KIF13A: variants seen among roughly 807,000 people sequenced by gnomAD.
The protein encoded by KIF13A is kinesin family member 13A, also known as kinesin-like protein KIF13A.
In KIF13A, 79 loss-of-function variants were observed where a neutral mutation model predicts 212.2. The observed-to-expected ratio is 0.37, with a 90% CI of 0.31 to 0.45. KIF13A has a LOEUF of 0.45. Among genes scored for constraint, KIF13A ranks in the 20% least tolerant of loss-of-function variants. The pLI, the probability that KIF13A is intolerant of heterozygous loss-of-function variation, is 1.00. For missense variants in KIF13A, 1,901 were observed against 2,209.0 expected (o/e 0.86, Z 2.79); for synonymous variants, 789 against 808.6 (o/e 0.98, Z 0.41).
At chr6:17,796,579 T>A in intron 23 of KIF13A, 90 bp downstream of exon 23, 1 of 799,924 alleles carries the variant, frequency 1.3e-6, no homozygotes, top group Non-Finnish European at 1.8e-6. Flanking sequence ...TATTTTTTTA[T>A]AAGCAGCCTC....
intron 3 of KIF13A, among the ~76,000 whole-genome samples, chr6:17,896,304 C>T (rs1014112881): frequency 1.4e-5 from 2 of 144,056 alleles, no homozygotes; most frequent in African/African-American, 5.1e-5. Context: ...CTGTCCCCTG[C>T]CCAGAATAAT....
chr6:17,897,648 T>C lies in KIF13A; in HGVS notation c.159+520A>G, dbSNP rs1002954433. 2.0e-5 allele frequency among the ~76,000 whole-genome samples: 3 copies of C among 152,234 alleles called. No individual in the cohort carries two copies. Among genetic ancestry groups the C allele is most frequent in the Non-Finnish European group, 4.4e-5 (3 of 68,034 alleles). ...ACTCCAATGAGGCATATAAAGTTGGTAGAATGTTGAATCTCTATTTAAAAG... is the reference window on the plus strand; with the variant it reads ...ACTCCAATGAGGCATATAAAGTTGGCAGAATGTTGAATCTCTATTTAAAAG... On this transcript the variant is annotated intron_variant, in intron 3 of 38. Transcript: ENST00000259711. The surrounding 1 kb of genome is among the most constrained non-coding windows in gnomAD (Gnocchi z 4.8).
At position 17,768,210 on chromosome 6, in the gene KIF13A, A is replaced by G. The variant is rs1446517754; in HGVS notation, c.4581+2904T>C. Among the ~76,000 whole-genome samples, 1 of 152,202 alleles carries G rather than the reference A, an allele frequency of 6.6e-6. No homozygotes were observed. The highest frequency in any genetic ancestry group is 1.5e-5 in the Non-Finnish European group (1 of 68,034). ...TCTCATCATAGCTTAAAGAAGAATA[A>G]ACTAAGCACCTTCCTACAATGTCTT... On this transcript the variant is annotated intron_variant, in intron 38 of 38. Coordinates refer to ENST00000259711, the MANE Select transcript of KIF13A (RefSeq NM_022113.6). The surrounding 1 kb of genome is among the most constrained non-coding windows in gnomAD (Gnocchi z 5.4).
chr6:17,973,397 T>G (rs1389003503), intron 2 of KIF13A, among the ~76,000 whole-genome samples: 1 of 152,258 alleles, frequency 6.6e-6, no homozygotes, highest in Non-Finnish European at 1.5e-5. Flanking sequence ...GACTTCATGC[T>G]GCTGCTTTAT....
At position 17,800,014 on chromosome 6, in the gene KIF13A, T is replaced by A. The variant is rs1327019605; in HGVS notation, c.2554A>T (p.Ser852Cys). Residue 852 changes from serine (S) to cysteine (C), a missense_variant, in exon 21 of 39, where the codon AGC (serine) becomes TGC (cysteine). Around this residue, in one of 5 missense-constraint regions of KIF13A, gnomAD observed 534 missense variants for 536.9 expected, o/e 0.99. Transcript: ENST00000259711. ...DSSENSSESGSLEVVDSSGEI... is the reference protein window; with the variant it reads ...DSSENSSESGCLEVVDSSGEI... ...CCGCTGCTGTCTACGACTTCAAGGC[T>A]CCCACTTTCACTGGAATTCTCCGAA... 3 of 1,613,966 alleles carry A rather than the reference T, an allele frequency of 1.9e-6. No homozygotes were observed. In the South Asian group the frequency reaches 3.3e-5, roughly 18 times the overall value.
At chr6:17,946,243 C>T (rs1051401914) in intron 2 of KIF13A, among the ~76,000 whole-genome samples, 2 of 152,064 alleles carry the variant, frequency 1.3e-5, no homozygotes, top group African/African-American at 4.8e-5. Flanking sequence ...AGGTATGAGC[C>T]ACCACATTTA....
chr6:17,790,569 C>T (rs928338892), intron 25 of KIF13A, among the ~76,000 whole-genome samples: 1 of 152,148 alleles, frequency 6.6e-6, no homozygotes, highest in Non-Finnish European at 1.5e-5. Context: ...GGCAAAACTA[C>T]AGGGAACATT....
At chr6:17,890,577 A>C (rs1771954070) in intron 3 of KIF13A, among the ~76,000 whole-genome samples, 1 of 151,670 alleles carries the variant, frequency 6.6e-6, no homozygotes, top group Non-Finnish European at 1.5e-5. Context: ...CCAAAATCCA[A>C]AGTTAATCAG....
At chr6:17,893,077 C>T (rs1445748524) in intron 3 of KIF13A, among the ~76,000 whole-genome samples, 2 of 152,168 alleles carry the variant, frequency 1.3e-5, no homozygotes, top group Non-Finnish European at 2.9e-5. Context: ...CTCCAGGTAA[C>T]ATGCCAGAAT....
At chr6:17,846,571 C>A (rs371096570) in intron 9 of KIF13A, among the ~76,000 whole-genome samples, 27 of 130,606 alleles carry the variant, frequency 2.1e-4, no homozygotes, top group African/African-American at 7.7e-4. Flanking sequence ...AGTTTAAGAG[C>A]AGTCTGGTCA....
Position 17,826,105 on chromosome 6 carries a change from G to C in KIF13A, c.1552C>G (p.Leu518Val), listed in dbSNP as rs1764938628. ...CACAGCTGGGTGGTACTGCACACAAGGGTGCCGTTCACACAGGACCTGGGA... is the reference window on the plus strand; with the variant it reads ...CACAGCTGGGTGGTACTGCACACAACGGTGCCGTTCACACAGGACCTGGGA... ...ENARSCVNGT[L>V]VCSTTQLWHG... The change falls in exon 15 of 39, where the codon CTT becomes GTT. Residue 518 changes from leucine (L) to valine (V), a missense_variant. Leu to Val is a conservative substitution (Grantham distance 32). This residue lies in a region of KIF13A where 506 missense variants were observed against 637.4 expected (regional missense o/e 0.79). Transcript: ENST00000259711. This position sits in a 1 kb window ranked among gnomAD's most constrained non-coding sequence, Gnocchi z 4.7. 6.2e-7 allele frequency: 1 copy of C among 1,613,944 alleles called. No homozygotes were observed. The highest frequency in any genetic ancestry group is 1.1e-5 in the South Asian group (1 of 91,082).
At chr6:17,972,833 G>GAAAAA (rs34095609) in intron 2 of KIF13A, among the ~76,000 whole-genome samples, 2 of 113,308 alleles carry the variant, frequency 1.8e-5, no homozygotes, top group Non-Finnish European at 1.8e-5. Context: ...GAGAGAGTGA[G>GAAAAA]AAAAAAAAAA....
intron 18 of KIF13A, among the ~76,000 whole-genome samples, chr6:17,808,109 G>T (rs914606275): frequency 6.6e-6 from 1 of 152,180 alleles, no homozygotes; most frequent in African/African-American, 2.4e-5. Flanking sequence ...ATAGCAGGCT[G>T]GGCACAGTGG....
At chr6:17,945,269 A>G (rs905060033) in intron 2 of KIF13A, among the ~76,000 whole-genome samples, 52 of 152,206 alleles carry the variant, frequency 3.4e-4, no homozygotes, top group Non-Finnish European at 2.5e-4. Context: ...AGAAGAGCAC[A>G]TACTGTATGA....
At chr6:17,920,961 G>A (rs950278848) in intron 2 of KIF13A, among the ~76,000 whole-genome samples, 1 of 152,024 alleles carries the variant, frequency 6.6e-6, no homozygotes, top group African/African-American at 2.4e-5. Context: ...CCCTTAAAGG[G>A]TCATATCCTC....
intron 4 of KIF13A, among the ~76,000 whole-genome samples, chr6:17,861,074 G>A (rs1182742836): frequency 6.6e-6 from 1 of 152,024 alleles, no homozygotes; most frequent in Non-Finnish European, 1.5e-5. Context: ...TTTAGTTACA[G>A]TTATTTTTGG....
chr6:17,771,035 C>A lies in KIF13A; in HGVS notation c.4581+79G>T. 1 of 903,212 alleles carries A rather than the reference C, an allele frequency of 1.1e-6. No homozygotes were observed. Among genetic ancestry groups the A allele is most frequent in the Non-Finnish European group, 1.8e-6 (1 of 568,408 alleles). 55.9% of individuals were successfully genotyped at this position (903,212 alleles called of 1,614,324 possible). A position where few individuals can be genotyped will look rare whatever the true frequency, so the allele number is the denominator to read the frequency against. On this transcript the variant is annotated intron_variant, in intron 38 of 38. Transcript: ENST00000259711. This position sits in a 1 kb window ranked among gnomAD's most constrained non-coding sequence, Gnocchi z 5.4. ...GACCCAATACATGTCTTAATTTCTT[C>A]TAGCATTTGGATGATTGTCTGTGAA...
At chr6:17,784,626 G>T (rs916234237) in intron 28 of KIF13A, among the ~76,000 whole-genome samples, 1 of 152,128 alleles carries the variant, frequency 6.6e-6, no homozygotes, top group Admixed American at 6.5e-5. Flanking sequence ...CACTCAAGAT[G>T]ATCTGAAGTT....
chr6:17,943,399 GAT>G (rs1491223905), intron 2 of KIF13A, among the ~76,000 whole-genome samples: 25 of 118,510 alleles, frequency 2.1e-4, no homozygotes, highest in Admixed American at 2.0e-3. Context: ...GTAAAACACA[GAT>G]TTTTTTTTTT....
Sources: gnomAD v4.1 joint callset for allele counts (sites outside exome capture counted in the v4.1 genomes callset) on GRCh38, gnomAD v4.1.1 for gene constraint, gnomAD v4.1.1 regional missense constraint, Gnocchi (gnomAD v3.1) non-coding constraint, MANE v1.5 for transcripts, NCBI Gene and HGNC (gene_info 2026-07-23, HGNC 2026-07-21) for gene names.